The following PPA1 variants were observed in gnomAD, a reference collection of about 807,000 sequenced individuals.
PPA1 encodes inorganic pyrophosphatase 1, also known as inorganic pyrophosphatase.
PPA1 carries 23 observed loss-of-function variants against 41.8 expected under a neutral mutation model. The ratio of observed to expected loss-of-function variants is 0.55; its 90% CI spans 0.40 to 0.78. The LOEUF is 0.78. PPA1 is among the 30% of genes least tolerant of loss of function. The probability of loss-of-function intolerance (pLI) is 0.00; values close to 1 mark genes in which losing one functional copy is unlikely to be tolerated. For synonymous variants in PPA1, 101 were observed against 116.8 expected (o/e 0.86, Z 0.87); for missense variants, 320 against 361.6 (o/e 0.89, Z 0.93).
At chr10:70,219,355 T>G (rs1214436766) in intron 2 of PPA1, among the ~76,000 whole-genome samples, 2 of 152,304 alleles carry the variant, frequency 1.3e-5, no homozygotes, top group Non-Finnish European at 2.9e-5. Flanking sequence ...CAAAACACTC[T>G]CCAAAGGCCA....
Position 70,230,384 on chromosome 10 carries a change from T to C in PPA1, c.80A>G (p.Gln27Arg). 6.2e-7 allele frequency: 1 copy of C among 1,611,504 alleles called. No individual in the cohort carries two copies. Among genetic ancestry groups the C allele is most frequent in the Non-Finnish European group, 8.5e-7 (1 of 1,178,854 alleles). Residue 27 changes from glutamine (Q) to arginine (R), a missense_variant, in exon 2 of 11, where the codon CAA (glutamine) becomes CGA (arginine). Physicochemically the swap from Gln to Arg is conservative, Grantham distance 43. Coordinates refer to ENST00000373232, the MANE Select transcript of PPA1 (RefSeq NM_021129.4). ...YRVFLKNEKG[Q>R]YISPFHDIPI... ...AATATCATGAAATGGAGATATATAT[T>C]GTCCTTTCTCATTTTCTGCAAAATA...
intron 2 of PPA1, among the ~76,000 whole-genome samples, chr10:70,220,444 A>G (rs914216958): frequency 3.1e-5 from 4 of 129,268 alleles, no homozygotes; most frequent in Admixed American, 2.0e-4. Flanking sequence ...ATATGTATAT[A>G]TGTGTGTGTG....
chr10:70,218,929 C>T, intron 2 of PPA1, 112 bp from the exon 3 acceptor site: 1 of 715,312 alleles, frequency 1.4e-6, no homozygotes, highest in Non-Finnish European at 2.4e-6. Flanking sequence ...TCTTTGAAGT[C>T]AATTGGATTT....
chr10:70,221,723 G>A (rs1840171789), intron 2 of PPA1, among the ~76,000 whole-genome samples: 2 of 152,154 alleles, frequency 1.3e-5, no homozygotes, highest in South Asian at 4.1e-4. Context: ...GAGCTGTTAC[G>A]ACATGAAAGA....
rs539146675 is a variant in PPA1, at chr10:70,217,753, A to G, written c.297+59T>C. The stretch of plus-strand genomic sequence containing the variant: ...TATTCAAACCTTTTTTACTAATAGC[A>G]GTAAATTAATATTTAGTAAGCTAAA... On this transcript the variant is annotated intron_variant, in intron 4 of 10. Transcript: ENST00000373232. 1.1e-4 allele frequency: 147 copies of G among 1,357,134 alleles called. 2 individuals are homozygous for G. The African/African-American group carries it at 2.0e-3, about 18-fold the overall frequency. 84.1% of individuals were successfully genotyped at this position (1,357,134 alleles called of 1,614,324 possible). A position where few individuals can be genotyped will look rare whatever the true frequency, so the allele number is the denominator to read the frequency against.
chr10:70,233,025 G>A (rs1840305594), intron 1 of PPA1, among the ~76,000 whole-genome samples: 1 of 152,184 alleles, frequency 6.6e-6, no homozygotes, highest in Non-Finnish European at 1.5e-5. Flanking sequence ...GTACCCCGAG[G>A]CGTGACAAAG....
Position 70,206,255 on chromosome 10 carries a change from T to C in PPA1, c.795+9A>G. 1 of 1,607,202 alleles carries C rather than the reference T, an allele frequency of 6.2e-7. No individual in the cohort carries two copies. The highest frequency in any genetic ancestry group is 8.5e-7 in the Non-Finnish European group (1 of 1,174,396). On this transcript the variant is annotated intron_variant, in intron 9 of 10. Coordinates refer to ENST00000373232, the MANE Select transcript of PPA1 (RefSeq NM_021129.4). ...GGCTTGTTTTTTTTTTAAGGAAACT[T>C]TTACATACAGCATCCACAATGGCTC...
intron 3 of PPA1, 88 bp downstream of exon 3, chr10:70,218,676 G>A: frequency 4.8e-6 from 5 of 1,048,822 alleles, no homozygotes; most frequent in East Asian, 5.1e-5. Flanking sequence ...AAACCTTGAC[G>A]TTCAGATGGT....
Position 70,202,925 on chromosome 10 carries a change from A to C in PPA1, c.*230T>G. On this transcript the variant is annotated 3_prime_UTR_variant, in exon 11 of 11. Coordinates refer to ENST00000373232, the MANE Select transcript of PPA1 (RefSeq NM_021129.4). ...CACATCTATTCACAAGTGACTTCCA[A>C]ATGACAACTGCTTTGATATTTAAGC... The C allele has an allele frequency of 1.9e-6, 1 of 540,444 alleles. No homozygotes were observed. The highest frequency in any genetic ancestry group is 3.6e-5 in the Admixed American group (1 of 27,564). 33.5% of individuals were successfully genotyped at this position (540,444 alleles called of 1,614,324 possible). A position where few individuals can be genotyped will look rare whatever the true frequency, so the allele number is the denominator to read the frequency against.
intron 8 of PPA1, among the ~76,000 whole-genome samples, chr10:70,208,482 T>C (rs1165413447): frequency 2.0e-5 from 3 of 151,846 alleles, no homozygotes; most frequent in African/African-American, 7.3e-5. Flanking sequence ...AGCGCCACCA[T>C]GCCTGGCTAA....
intron 2 of PPA1, among the ~76,000 whole-genome samples, chr10:70,220,613 TATATATAATTTATATATATATA>T (rs1564584001): frequency 0.015 from 44 of 3,022 alleles, 11 homozygotes; most frequent in African/African-American, 0.034. Context: ...ATATATATAT[TATATATAATTTATATATATATA>T]ATATATATAA....
At chr10:70,232,982 G>A (rs1403155250) in intron 1 of PPA1, among the ~76,000 whole-genome samples, 1 of 152,200 alleles carries the variant, frequency 6.6e-6, no homozygotes, top group African/African-American at 2.4e-5. Flanking sequence ...GTCAGAGCCA[G>A]ACACCTGCAA....
chr10:70,226,157 A>G lies in PPA1; in HGVS notation c.123+4184T>C, dbSNP rs575996821. ...ACACACAAAACTTTTAGTAATACTCATTTGTTTTCCAGTTACATAGATTTT... is the reference window on the plus strand; with the variant it reads ...ACACACAAAACTTTTAGTAATACTCGTTTGTTTTCCAGTTACATAGATTTT... On this transcript the variant is annotated intron_variant, in intron 2 of 10. Coordinates refer to ENST00000373232, the MANE Select transcript of PPA1 (RefSeq NM_021129.4). Among the ~76,000 whole-genome samples the G allele has an allele frequency of 1.7e-3, 266 of 152,328 alleles. 1 individual carries two copies. Among genetic ancestry groups the G allele is most frequent in the Middle Eastern group, 0.01 (3 of 294 alleles).
intron 10 of PPA1, among the ~76,000 whole-genome samples, chr10:70,203,409 T>C (rs1839902854): frequency 6.6e-6 from 1 of 152,176 alleles, no homozygotes; most frequent in African/African-American, 2.4e-5. Context: ...TCAAACTTTT[T>C]TTTTTAATTT....
chr10:70,209,840 G>T, intron 6 of PPA1, 155 bp from the exon 7 acceptor site: 1 of 887,038 alleles, frequency 1.1e-6, no homozygotes, highest in Non-Finnish European at 1.7e-6. Context: ...TATCACGGAA[G>T]TTCAAGATAA....
chr10:70,213,417 C>T, intron 6 of PPA1, 46 bp downstream of exon 6: 1 of 1,604,862 alleles, frequency 6.2e-7, no homozygotes, highest in South Asian at 1.1e-5. Context: ...TATGGTGGTG[C>T]TTATGAATTA....
chr10:70,214,392 A>AT (rs1338975177), intron 5 of PPA1, 108 bp downstream of exon 5: 9 of 841,576 alleles, frequency 1.1e-5, no homozygotes, highest in Admixed American at 4.9e-5. Flanking sequence ...AGACATCATT[A>AT]TTTCACTAAT....
chr10:70,213,562 C>G lies in PPA1; in HGVS notation c.412G>C (p.Val138Leu). Residue 138 changes from valine (V) to leucine (L), a missense_variant, in exon 6 of 11, where the codon GTG becomes CTG. Physicochemically the swap from Val to Leu is conservative, Grantham distance 32. Coordinates refer to ENST00000373232, the MANE Select transcript of PPA1 (RefSeq NM_021129.4). ...KVCARGEIIG[V>L]KVLGILAMID... ...ATAGCCAATATGCCTAGAACTTTCACGCCAATTATTTCACCTCTTGCACAT... is the reference window on the plus strand; with the variant it reads ...ATAGCCAATATGCCTAGAACTTTCAGGCCAATTATTTCACCTCTTGCACAT... 1.9e-6 allele frequency: 3 copies of G among 1,613,918 alleles called. No individual in the cohort carries two copies. The highest frequency in any genetic ancestry group is 2.5e-6 in the Non-Finnish European group (3 of 1,179,892).
At chr10:70,216,447 A>G (rs1445989787) in intron 4 of PPA1, among the ~76,000 whole-genome samples, 1 of 151,392 alleles carries the variant, frequency 6.6e-6, no homozygotes, top group Non-Finnish European at 1.5e-5. Context: ...AGACTGCGCC[A>G]CCGCACTCCA....
Sources: gnomAD v4.1 joint callset for allele counts (sites outside exome capture counted in the v4.1 genomes callset) on GRCh38, gnomAD v4.1.1 for gene constraint, MANE v1.5 for transcripts, NCBI Gene and HGNC (gene_info 2026-07-23, HGNC 2026-07-21) for gene names.